NTM: variants seen among roughly 807,000 people sequenced by gnomAD.
NTM encodes IgLON family member 2.
In NTM, 13 loss-of-function variants were observed where a neutral mutation model predicts 42.1. The observed-to-expected ratio is 0.31, with a 90% CI of 0.20 to 0.49. NTM has a LOEUF of 0.49. Ranked by LOEUF, NTM falls within the 20% of genes least tolerant of loss-of-function variation. The pLI is 0.99. For synonymous variants in NTM, 187 were observed against 179.2 expected, an observed-to-expected ratio of 1.04 and a Z score of -0.35; for missense variants, 373 against 452.8, an observed-to-expected ratio of 0.82 and a Z score of 1.60.
intron 1 of NTM, among the ~76,000 whole-genome samples, chr11:131,608,765 TG>T (rs1301365680): frequency 6.6e-6 from 1 of 152,226 alleles, no homozygotes; most frequent in East Asian, 1.9e-4. Context: ...TCTCTTTAAA[TG>T]TGCCCTGTTT....
chr11:132,275,982 T>A (rs112203929), intron 4 of NTM, among the ~76,000 whole-genome samples: 3,690 of 151,998 alleles, frequency 0.024, 147 homozygotes, highest in African/African-American at 0.083. Context: ...CTTCTCCCCA[T>A]CCTCGCCTCC....
intron 2 of NTM, among the ~76,000 whole-genome samples, chr11:131,928,623 C>T (rs2058226060): frequency 6.9e-6 from 1 of 145,348 alleles, no homozygotes; most frequent in African/African-American, 2.6e-5. Context: ...GGTCTCCCGT[C>T]TGTGTTTTGT....
chr11:132,223,461 AG>A (rs1462698046), intron 4 of NTM, among the ~76,000 whole-genome samples: 1 of 152,182 alleles, frequency 6.6e-6, no homozygotes, highest in Admixed American at 6.5e-5. Flanking sequence ...TACTCCTGGC[AG>A]GGTTCACAGT....
At chr11:131,503,424 G>T (rs1389051391) in intron 1 of NTM, among the ~76,000 whole-genome samples, 1 of 152,118 alleles carries the variant, frequency 6.6e-6, no homozygotes, top group African/African-American at 2.4e-5. Flanking sequence ...TCACCGAGGA[G>T]GGTCAGAGAC....
intron 1 of NTM, among the ~76,000 whole-genome samples, chr11:131,392,369 C>G (rs999560256): frequency 1.3e-5 from 2 of 151,064 alleles, no homozygotes; most frequent in Non-Finnish European, 2.9e-5. Context: ...ACCACAGAGC[C>G]CCTGAAGGGA....
chr11:131,808,014 G>T (rs533479987), intron 1 of NTM, among the ~76,000 whole-genome samples: 4 of 152,182 alleles, frequency 2.6e-5, no homozygotes, highest in Non-Finnish European at 5.9e-5. Flanking sequence ...CCTTGAATTT[G>T]ATTTACAAGA....
chr11:132,227,127 A>G (rs746779520), intron 4 of NTM, among the ~76,000 whole-genome samples: 1 of 152,212 alleles, frequency 6.6e-6, no homozygotes, highest in Non-Finnish European at 1.5e-5. Flanking sequence ...TTTGTAGGCC[A>G]GGAACAGTGG....
intron 6 of NTM, chr11:132,312,712 C>T (rs1212154858): frequency 1.3e-5 from 2 of 154,860 alleles, no homozygotes; most frequent in African/African-American, 4.8e-5. Context: ...AGCTTCCTCC[C>T]CATGGTGGAC....
chr11:131,490,800 A>G (rs910267267), intron 1 of NTM, among the ~76,000 whole-genome samples: 8 of 152,228 alleles, frequency 5.3e-5, no homozygotes, highest in Admixed American at 4.6e-4. Flanking sequence ...TGGCATTGCG[A>G]TGGCAAAAAG....
intron 2 of NTM, among the ~76,000 whole-genome samples, chr11:131,964,281 G>A (rs1481041419): frequency 1.3e-5 from 2 of 152,160 alleles, no homozygotes; most frequent in Non-Finnish European, 2.9e-5. Flanking sequence ...TTTGTTGTAA[G>A]GCACACATTT....
intron 2 of NTM, among the ~76,000 whole-genome samples, chr11:132,061,160 A>G (rs1594230553): frequency 1.3e-5 from 2 of 152,344 alleles, no homozygotes; most frequent in East Asian, 1.9e-4. Context: ...ACACACTAAG[A>G]TAAGTTCACT....
chr11:131,756,523 CAA>C (rs371563328), intron 1 of NTM, among the ~76,000 whole-genome samples: 8 of 133,774 alleles, frequency 6.0e-5, no homozygotes, highest in Admixed American at 1.5e-4. Context: ...GACTCCATCT[CAA>C]AAAAAAAAAA....
intron 2 of NTM, among the ~76,000 whole-genome samples, chr11:131,950,677 G>A (rs921926272): frequency 2.0e-5 from 3 of 152,138 alleles, no homozygotes; most frequent in African/African-American, 7.2e-5. Context: ...ACCTTATCAG[G>A]ATACTGTGAG....
At chr11:132,270,871 G>T (rs991693011) in intron 4 of NTM, among the ~76,000 whole-genome samples, 1 of 152,086 alleles carries the variant, frequency 6.6e-6, no homozygotes, top group Admixed American at 6.6e-5. Flanking sequence ...ACATGAAAAT[G>T]AATAAATGCA....
chr11:132,334,735 T>C (rs1427105631), intron 8 of NTM, among the ~76,000 whole-genome samples: 1 of 152,050 alleles, frequency 6.6e-6, no homozygotes, highest in Non-Finnish European at 1.5e-5. Flanking sequence ...ATCTGCCACC[T>C]TCTTCTTGAA....
chr11:131,466,772 C>T (rs576930728), intron 1 of NTM, among the ~76,000 whole-genome samples: 1 of 152,294 alleles, frequency 6.6e-6, no homozygotes, highest in Non-Finnish European at 1.5e-5. Flanking sequence ...TATATAACTA[C>T]TATACTTGGA....
At chr11:132,240,725 A>G (rs182977682) in intron 4 of NTM, among the ~76,000 whole-genome samples, 2 of 152,346 alleles carry the variant, frequency 1.3e-5, no homozygotes, top group African/African-American at 4.8e-5. Flanking sequence ...AGAACTTGAG[A>G]GATTAGGGGG....
At chr11:132,256,998 C>T (rs958154470) in intron 4 of NTM, among the ~76,000 whole-genome samples, 7 of 152,216 alleles carry the variant, frequency 4.6e-5, no homozygotes, top group African/African-American at 1.7e-4. Flanking sequence ...CACCGCGCCC[C>T]ATCACTGTCA....
Position 132,249,300 on chromosome 11 carries a change from A to G in NTM, c.526+37153A>G, listed in dbSNP as rs553055805. Among the ~76,000 whole-genome samples the G allele has an allele frequency of 1.5e-3, 228 of 152,184 alleles. 1 individual carries two copies. Among genetic ancestry groups the G allele is most frequent in the Non-Finnish European group, 2.1e-3 (141 of 67,960 alleles). On this transcript the variant is annotated intron_variant, in intron 4 of 8. Coordinates refer to ENST00000683400, the MANE Select transcript of NTM (RefSeq NM_001352005.2). ...GAGGGTGTGTGTGTATGTGTGTGTG[A>G]GGGTAAGGTGTGTTCCAGCCCTCAT...
Sources: gnomAD v4.1 joint callset for allele counts (sites outside exome capture counted in the v4.1 genomes callset) on GRCh38, gnomAD v4.1.1 for gene constraint, MANE v1.5 for transcripts, NCBI Gene and HGNC (gene_info 2026-07-23, HGNC 2026-07-21) for gene names.